Variants in CDC25A observed in about 807,000 individuals in gnomAD.
CDC25A encodes M-phase inducer phosphatase 1.
CDC25A carries 17 observed loss-of-function variants against 64.6 expected under a neutral mutation model. That is an observed-to-expected ratio of 0.26 (90% CI 0.18 to 0.39). The LOEUF (loss-of-function observed/expected upper bound fraction) is 0.39, where lower values mean the gene tolerates loss of function less well. CDC25A is among the 10% of genes least tolerant of loss of function. The pLI is 1.00. For missense variants in CDC25A, 473 were observed against 654.8 expected (o/e 0.72, Z 3.03); for synonymous variants, 229 against 238.6 (o/e 0.96, Z 0.37).
chr3:48,167,369 T>C (rs531399188), intron 10 of CDC25A, among the ~76,000 whole-genome samples: 2 of 152,362 alleles, frequency 1.3e-5, no homozygotes, highest in African/African-American at 4.8e-5. Flanking sequence ...TCATGTAGTA[T>C]ATCAGGCTAT....
chr3:48,168,181 TAA>T (rs33925813), intron 9 of CDC25A, among the ~76,000 whole-genome samples: 59 of 124,050 alleles, frequency 4.8e-4, no homozygotes, highest in Non-Finnish European at 5.2e-4. Flanking sequence ...CTTCCTTCCT[TAA>T]AAAAAAAAAA....
At chr3:48,171,309 G>C (rs1014404023) in intron 9 of CDC25A, among the ~76,000 whole-genome samples, 1 of 151,876 alleles carries the variant, frequency 6.6e-6, no homozygotes, top group Non-Finnish European at 1.5e-5. Context: ...GGGAGGCGGA[G>C]GTTGCCGTGA....
intron 14 of CDC25A, 44 bp downstream of exon 14, chr3:48,159,300 T>C (rs2031650728): frequency 3.5e-6 from 5 of 1,443,576 alleles, no homozygotes; most frequent in Non-Finnish European, 4.9e-6. Flanking sequence ...AGTCTACCAC[T>C]GGGGGCAGGG....
Position 48,177,431 on chromosome 3 carries a change from C to T in CDC25A, c.696G>A (p.Glu232=), listed in dbSNP as rs779709401. ...LDGENLKNEE[E]TPSCMASLWT... is the part of the protein sequence containing the mutation. ...AGAGGCTTGCCATGCACGAGGGGGT[C>T]TCCTCCTCATTCTAAAGAAACAGAA... The change falls in exon 8 of 15, where the codon GAG becomes GAA. Residue 232 remains glutamate (E), a synonymous_variant. Transcript: ENST00000302506. 2.9e-5 allele frequency: 47 copies of T among 1,612,794 alleles called. 1 individual carries two copies. The East Asian group carries it at 9.8e-4, about 34-fold the overall frequency.
In CDC25A at chr3:48,180,969, C is replaced by A. The variant is rs1253147912; in HGVS notation, c.430-129G>T. 10 of 770,356 alleles carry A rather than the reference C, an allele frequency of 1.3e-5. No individual in the cohort carries two copies. In the East Asian group the frequency reaches 2.0e-4, roughly 15 times the overall value. The allele number at this position is 770,356 out of a possible 1,614,324, so 47.7% of individuals were successfully genotyped here. ...AAATTAAAGTTTCACCTAATTCCAACAATAGATCTGCGTAACTAAGAATTT... is the reference window on the plus strand; with the variant it reads ...AAATTAAAGTTTCACCTAATTCCAAAAATAGATCTGCGTAACTAAGAATTT... On this transcript the variant is annotated intron_variant, in intron 5 of 14. Coordinates refer to ENST00000302506, the MANE Select transcript of CDC25A (RefSeq NM_001789.3).
intron 6 of CDC25A, 113 bp from the exon 7 acceptor site, chr3:48,178,101 A>T: frequency 1.9e-6 from 2 of 1,075,058 alleles, no homozygotes; most frequent in Non-Finnish European, 2.7e-6. Context: ...TGTTATACAA[A>T]GCAAAATTTT....
chr3:48,159,689 A>G (rs2031666318), intron 13 of CDC25A, among the ~76,000 whole-genome samples: 1 of 152,082 alleles, frequency 6.6e-6, no homozygotes, highest in African/African-American at 2.4e-5. Flanking sequence ...CAACAATCCT[A>G]GCATCTGAGT....
Position 48,177,847 on chromosome 3 carries a change from ACG to A in CDC25A, c.684+5_684+6del, listed in dbSNP as rs750466195. The A allele has an allele frequency of 7.2e-6, 11 of 1,520,664 alleles. No individual in the cohort carries two copies. The highest frequency in any genetic ancestry group is 4.6e-5 in the East Asian group (2 of 43,886). The allele number at this position is 1,520,664 out of a possible 1,614,324, so 94.2% of individuals were successfully genotyped here. On this transcript the variant is annotated splice_donor_5th_base_variant and intron_variant, in intron 7 of 14. Transcript: ENST00000302506. ...CAAATAGGAACACACACACACACAC[ACG>A]GTACCTTCAGATTCTCTCCATCGAG... is the stretch of plus-strand genomic sequence containing the variant.
At chr3:48,159,129 C>A in intron 14 of CDC25A, 44 bp from the exon 15 acceptor site, 2 of 1,601,116 alleles carry the variant, frequency 1.2e-6, no homozygotes, top group Admixed American at 1.7e-5. Context: ...ACCTGCCTCA[C>A]ACCCACAACC....
chr3:48,169,199 GTGTT>G (rs751961026), intron 9 of CDC25A, among the ~76,000 whole-genome samples: 1 of 152,212 alleles, frequency 6.6e-6, no homozygotes, highest in Non-Finnish European at 1.5e-5. Context: ...GGTAACCACA[GTGTT>G]TGATGAGTGT....
At chr3:48,161,310 T>C (rs2031753502) in intron 13 of CDC25A, 2 of 154,374 alleles carry the variant, frequency 1.3e-5, no homozygotes, top group Admixed American at 6.5e-5. Flanking sequence ...AAATACAGAA[T>C]ACAGAGATGG....
chr3:48,176,963 C>T (rs1362948262), intron 8 of CDC25A, among the ~76,000 whole-genome samples: 1 of 151,012 alleles, frequency 6.6e-6, no homozygotes, highest in Non-Finnish European at 1.5e-5. Flanking sequence ...AAGAGCGAGA[C>T]TCCGTCTCAA....
chr3:48,181,734 C>A (rs2106754645), intron 5 of CDC25A: 1 of 735,134 alleles, frequency 1.4e-6, no homozygotes, highest in Non-Finnish European at 2.5e-6. Context: ...TAAAGACTGG[C>A]TGAATTATAG....
chr3:48,183,452 T>C (rs1426972295), intron 4 of CDC25A, among the ~76,000 whole-genome samples: 1 of 152,126 alleles, frequency 6.6e-6, no homozygotes, highest in African/African-American at 2.4e-5. Flanking sequence ...CCTAGCACTT[T>C]GGGAGGCCGA....
At chr3:48,164,540 G>T in intron 12 of CDC25A, 103 bp from the exon 13 acceptor site, 1 of 1,149,772 alleles carries the variant, frequency 8.7e-7, no homozygotes, top group Non-Finnish European at 1.2e-6. Context: ...AAGTCCACAA[G>T]ACCAGTTTGT....
chr3:48,161,894 CTACTAAAAATACA>C (rs1196010021), intron 13 of CDC25A, among the ~76,000 whole-genome samples: 1 of 152,102 alleles, frequency 6.6e-6, no homozygotes, highest in East Asian at 1.9e-4. Flanking sequence ...AACCCCGTCT[CTACTAAAAATACA>C]AACATTAGCT....
intron 10 of CDC25A, 29 bp from the exon 11 acceptor site, chr3:48,165,922 A>C: frequency 7.2e-7 from 1 of 1,394,748 alleles, no homozygotes; most frequent in Non-Finnish European, 1.0e-6. Flanking sequence ...TACTTAGAGA[A>C]TCTGAAAGCC....
chr3:48,162,789 A>G (rs976696340), intron 13 of CDC25A, among the ~76,000 whole-genome samples: 1 of 151,596 alleles, frequency 6.6e-6, no homozygotes, highest in African/African-American at 2.4e-5. Flanking sequence ...CGGAGCTTGC[A>G]GTAAGTCGAG....
intron 9 of CDC25A, 86 bp downstream of exon 9, chr3:48,174,193 CAAAGA>C: frequency 8.2e-7 from 1 of 1,218,936 alleles, no homozygotes; most frequent in South Asian, 1.5e-5. Context: ...CAAATCTTAG[CAAAGA>C]AAATAAATGA....
Sources: allele counts gnomAD v4.1 joint callset (sites outside exome capture counted in the v4.1 genomes callset), GRCh38; gene constraint gnomAD v4.1.1; transcripts MANE v1.5; gene names NCBI Gene and HGNC (gene_info 2026-07-23, HGNC 2026-07-21).